The following HDDC2 variants were observed in gnomAD, a reference collection of about 807,000 sequenced individuals.
HDDC2 encodes the protein 5'-deoxynucleotidase HDDC2.
Under a neutral mutation model 25.5 loss-of-function variants are expected in HDDC2, and 25 were observed. That is an observed-to-expected ratio of 0.98 (90% CI 0.72 to 1.37). The LOEUF is 1.37. HDDC2 is among the 40% of genes most tolerant of loss of function. The pLI is 0.00. For synonymous variants in HDDC2, 106 were observed against 89.7 expected, an observed-to-expected ratio of 1.18 and a Z score of -1.03; for missense variants, 264 against 253.1, an observed-to-expected ratio of 1.04 and a Z score of -0.29.
intron 3 of HDDC2, among the ~76,000 whole-genome samples, chr6:125,293,505 C>G (rs1798660817): frequency 6.6e-6 from 1 of 152,154 alleles, no homozygotes; most frequent in Non-Finnish European, 1.5e-5. Flanking sequence ...CGGCAATTAG[C>G]TAAACCATCC....
At chr6:125,289,500 AAAAACAAAACAAAAC>A (rs1462831466) in intron 4 of HDDC2, among the ~76,000 whole-genome samples, 98 of 133,464 alleles carry the variant, frequency 7.3e-4, no homozygotes, top group Admixed American at 3.0e-3. Flanking sequence ...AAAAATTAAA[AAAAACAAAACAAAAC>A]AAAAAAAACA....
intron 4 of HDDC2, chr6:125,278,921 T>C (rs905347227): frequency 2.0e-5 from 3 of 151,842 alleles, no homozygotes; most frequent in African/African-American, 7.3e-5. Context: ...AGTAACTAGG[T>C]TCATGATAAA....
At chr6:125,290,124 G>A (rs1798608819) in intron 4 of HDDC2, among the ~76,000 whole-genome samples, 1 of 152,166 alleles carries the variant, frequency 6.6e-6, no homozygotes, top group Non-Finnish European at 1.5e-5. Context: ...CATTTTCTAT[G>A]TAACTAATGC....
intron 4 of HDDC2, among the ~76,000 whole-genome samples, chr6:125,289,516 A>C (rs1798598497): frequency 2.1e-5 from 2 of 96,672 alleles, no homozygotes; most frequent in African/African-American, 6.4e-5. Context: ...AAAACAAAAC[A>C]AAAAAAACAA....
At chr6:125,299,181 C>G (rs545643274) in intron 2 of HDDC2, among the ~76,000 whole-genome samples, 2 of 152,138 alleles carry the variant, frequency 1.3e-5, no homozygotes, top group African/African-American at 4.8e-5. Context: ...GTCAGGAGTT[C>G]GAGACCAGCC....
At chr6:125,285,649 TA>T (rs567233669) in intron 4 of HDDC2, among the ~76,000 whole-genome samples, 2,925 of 148,740 alleles carry the variant, frequency 0.02, 86 homozygotes, top group African/African-American at 0.068. Context: ...AAAATTAAAT[TA>T]AAAAAAAAAT....
intron 3 of HDDC2, among the ~76,000 whole-genome samples, chr6:125,294,721 A>G (rs966740211): frequency 6.6e-6 from 1 of 152,222 alleles, no homozygotes; most frequent in Non-Finnish European, 1.5e-5. Context: ...TGACACACCT[A>G]GAACTGAATA....
intron 4 of HDDC2, among the ~76,000 whole-genome samples, chr6:125,279,810 CA>C (rs911971980): frequency 6.6e-6 from 1 of 151,950 alleles, no homozygotes; most frequent in African/African-American, 2.4e-5. Context: ...GAATAAGAAG[CA>C]AAATAACATC....
rs1276488795 is a variant in HDDC2, at chr6:125,301,913, G to A, written c.20C>T (p.Ala7Val). Residue 7 changes from alanine to valine, a missense_variant, in exon 1 of 6, where the codon GCG (alanine) becomes GTG (valine). Transcript: ENST00000398153. MASVSSATFSGHGARSL... is the reference protein window; with the variant it reads MASVSSVTFSGHGARSL... ...CCGAGCCCCGTGGCCCGAGAAGGTC[G>A]CAGAGGAGACCGAAGCCATGCGGCC... The A allele has an allele frequency of 3.9e-6, 6 of 1,551,374 alleles. No homozygotes were observed. Among genetic ancestry groups the A allele is most frequent in the Non-Finnish European group, 4.4e-6 (5 of 1,149,302 alleles).
intron 5 of HDDC2, chr6:125,276,866 C>G: frequency 1.9e-6 from 1 of 515,934 alleles, no homozygotes; most frequent in East Asian, 3.3e-5. Context: ...CTTCTCTCAC[C>G]GTCTTTTCTT....
chr6:125,292,779 C>T, intron 4 of HDDC2, 62 bp downstream of exon 4: 1 of 1,233,568 alleles, frequency 8.1e-7, no homozygotes, highest in South Asian at 1.2e-5. Flanking sequence ...TCAAGTACAA[C>T]ATCAGGGAGC....
intron 4 of HDDC2, among the ~76,000 whole-genome samples, chr6:125,290,592 C>G (rs112241150): frequency 1.5e-3 from 223 of 152,176 alleles, no homozygotes; most frequent in Non-Finnish European, 2.5e-3. Flanking sequence ...TTGATGAGAG[C>G]GGACCCTTAT....
chr6:125,290,607 T>C (rs549553466), intron 4 of HDDC2, among the ~76,000 whole-genome samples: 3 of 152,166 alleles, frequency 2.0e-5, no homozygotes, highest in South Asian at 2.1e-4. Flanking sequence ...CCTTATTCAA[T>C]AGAGAGAAAT....
intron 4 of HDDC2, chr6:125,278,890 G>A (rs918182272): frequency 1.3e-5 from 2 of 152,182 alleles, no homozygotes; most frequent in African/African-American, 4.8e-5. Flanking sequence ...AAGTGAAAAT[G>A]ACTGCCTAGT....
intron 5 of HDDC2, 52 bp from the exon 6 acceptor site, chr6:125,276,295 A>AT (rs1284999502): frequency 1.5e-6 from 2 of 1,339,692 alleles, no homozygotes; most frequent in African/African-American, 2.9e-5. Flanking sequence ...ACAAGAGAGT[A>AT]TATTCATTTC....
Position 125,292,889 on chromosome 6 carries a change from G to C in HDDC2, c.330C>G (p.Thr110=). 1 of 1,612,746 alleles carries C rather than the reference G, an allele frequency of 6.2e-7. No homozygotes were observed. The highest frequency in any genetic ancestry group is 8.5e-7 in the Non-Finnish European group (1 of 1,178,950). The change falls in exon 4 of 6, where the codon ACC becomes ACG. Residue 110 remains threonine (T), a synonymous_variant. Coordinates refer to ENST00000398153, the MANE Select transcript of HDDC2 (RefSeq NM_016063.3). ...RREEEAMKQI[T]QLLPEDLRKE... is the part of the protein sequence containing the mutation. ...TTCTGAGGTCCTCTGGTAGGAGCTG[G>C]GTTATCTGCTTCATAGCTTCCTGAA...
At chr6:125,280,716 TC>T (rs1440792325) in intron 4 of HDDC2, among the ~76,000 whole-genome samples, 1 of 152,248 alleles carries the variant, frequency 6.6e-6, no homozygotes, top group African/African-American at 2.4e-5. Flanking sequence ...GTGGCCCTAA[TC>T]AGGGGCTTAT....
rs1798352297 is a variant in HDDC2, at chr6:125,275,356, T to C, written c.*790A>G. ...ATGTAAAGGCAGACAGGGTGGATTA[T>C]TTATCCTATAAAAGGGAAAAGAGAG... is the stretch of plus-strand genomic sequence containing the variant. On this transcript the variant is annotated 3_prime_UTR_variant, in exon 6 of 6. Transcript: ENST00000398153. 1 of 152,198 alleles carries C rather than the reference T, an allele frequency of 6.6e-6. No homozygotes were observed. The highest frequency in any genetic ancestry group is 2.1e-4 in the South Asian group (1 of 4,820). The allele number at this position is 152,198 out of a possible 1,614,324, so 9.4% of individuals were successfully genotyped here. A position where few individuals can be genotyped will look rare whatever the true frequency, so the allele number is the denominator to read the frequency against.
intron 4 of HDDC2, among the ~76,000 whole-genome samples, chr6:125,281,541 C>T (rs1353067238): frequency 1.3e-5 from 2 of 152,118 alleles, no homozygotes; most frequent in African/African-American, 4.8e-5. Context: ...AAAAACACAG[C>T]ATGAGAACTT....
Sources: gnomAD v4.1 joint callset for allele counts (sites outside exome capture counted in the v4.1 genomes callset) on GRCh38, gnomAD v4.1.1 for gene constraint, MANE v1.5 for transcripts, NCBI Gene and HGNC (gene_info 2026-07-23, HGNC 2026-07-21) for gene names.